The following SSX2IP variants were observed in gnomAD, a reference collection of about 807,000 sequenced individuals.
The protein encoded by SSX2IP is afadin- and alpha-actinin-binding protein.
Under a neutral mutation model 84.9 loss-of-function variants are expected in SSX2IP, and 55 were observed. The ratio of observed to expected loss-of-function variants is 0.65; its 90% CI spans 0.52 to 0.81. SSX2IP has a LOEUF of 0.81. SSX2IP is among the 30% of genes least tolerant of loss of function. The pLI, the probability that SSX2IP is intolerant of heterozygous loss-of-function variation, is 0.00. For synonymous variants in SSX2IP, 239 were observed against 234.7 expected (o/e 1.02, Z -0.17); for missense variants, 664 against 705.2 (o/e 0.94, Z 0.66).
At chr1:84,676,718 C>CTTT (rs1491577246) in intron 1 of SSX2IP, among the ~76,000 whole-genome samples, 2 of 36,720 alleles carry the variant, frequency 5.4e-5, no homozygotes, top group South Asian at 1.9e-3. Context: ...GTGCTCTTTT[C>CTTT]CTTTTTTTTT....
At chr1:84,647,912 C>T (rs2102119502) in intron 13 of SSX2IP, among the ~76,000 whole-genome samples, 1 of 152,002 alleles carries the variant, frequency 6.6e-6, no homozygotes, top group South Asian at 2.1e-4. Context: ...GTAGTGCATG[C>T]CTAGTTTAAT....
chr1:84,678,258 A>G (rs1002155454), intron 1 of SSX2IP, among the ~76,000 whole-genome samples: 2 of 152,228 alleles, frequency 1.3e-5, no homozygotes, highest in African/African-American at 4.8e-5. Context: ...TTTGCAGCCA[A>G]CAGTACCTGA....
intron 11 of SSX2IP, among the ~76,000 whole-genome samples, chr1:84,654,929 C>G (rs1650857910): frequency 6.6e-6 from 1 of 151,998 alleles, no homozygotes; most frequent in Non-Finnish European, 1.5e-5. Flanking sequence ...CAAGAAAGTC[C>G]TCAGCTTTCA....
At chr1:84,678,080 T>C (rs573908424) in intron 1 of SSX2IP, among the ~76,000 whole-genome samples, 1 of 152,302 alleles carries the variant, frequency 6.6e-6, no homozygotes, top group South Asian at 2.1e-4. Flanking sequence ...ACTTAAACCA[T>C]AATTTACTGA....
At chr1:84,670,002 A>G (rs1406795741) in intron 3 of SSX2IP, 109 bp from the exon 4 acceptor site, 1 of 725,298 alleles carries the variant, frequency 1.4e-6, no homozygotes, top group African/African-American at 1.8e-5. Flanking sequence ...GATCTATTGT[A>G]CAACACGGTG....
In SSX2IP at chr1:84,647,498, C is replaced by T. The variant is rs1026956182; in HGVS notation, c.1780G>A (p.Gly594Ser). Residue 594 changes from glycine (G) to serine (S), a missense_variant, in exon 14 of 14, where the codon GGT (glycine) becomes AGT (serine). Coordinates refer to ENST00000342203, the MANE Select transcript of SSX2IP (RefSeq NM_001166293.2). Reference protein sequence around the residue: ...SVASRPGSQEGCYSGCSLSYT... With the variant: ...SVASRPGSQESCYSGCSLSYT... ...CTCAAGGAGCATCCACTATAGCAACCTTCCTGTGATCCAGGTCTTGATGCC... is the reference window on the plus strand; with the variant it reads ...CTCAAGGAGCATCCACTATAGCAACTTTCCTGTGATCCAGGTCTTGATGCC... 2 of 1,613,028 alleles carry T rather than the reference C, an allele frequency of 1.2e-6. No homozygotes were observed. Among genetic ancestry groups the T allele is most frequent in the African/African-American group, 2.7e-5 (2 of 74,882 alleles).
At chr1:84,647,764 G>A (rs1352550210) in intron 13 of SSX2IP, among the ~76,000 whole-genome samples, 157 bp from the exon 14 acceptor site, 4 of 145,532 alleles carry the variant, frequency 2.7e-5, no homozygotes, top group South Asian at 2.2e-4. Flanking sequence ...AAAAAAAAAC[G>A]GCTGGGAGCA....
In SSX2IP at chr1:84,662,252, A is replaced by G. The variant is rs1241147902; in HGVS notation, c.873T>C (p.Leu291=). 6.2e-7 allele frequency: 1 copy of G among 1,608,760 alleles called. No homozygotes were observed. The highest frequency in any genetic ancestry group is 2.2e-5 in the East Asian group (1 of 44,818). Residue 291 remains leucine, a synonymous_variant, in exon 8 of 14, where the codon CTT becomes CTC. Coordinates refer to ENST00000342203, the MANE Select transcript of SSX2IP (RefSeq NM_001166293.2). ...LQQMKKEMIS[L]LSPQKKKPRE... ...TAGGTTTCTTCTTTTGGGGAGAAAG[A>G]AGAGAAATCATTTCCTTTTTCATTT...
At chr1:84,664,944 G>A (rs1457012009) in intron 5 of SSX2IP, among the ~76,000 whole-genome samples, 1 of 152,096 alleles carries the variant, frequency 6.6e-6, no homozygotes, top group Non-Finnish European at 1.5e-5. Flanking sequence ...CTGTGACAAA[G>A]TGAATTAAGC....
chr1:84,671,101 A>T, intron 2 of SSX2IP, 76 bp downstream of exon 2: 1 of 1,523,646 alleles, frequency 6.6e-7, no homozygotes, highest in Non-Finnish European at 8.9e-7. Context: ...CATCTGCAGT[A>T]ATTATTTTAT....
At chr1:84,683,263 C>T (rs913276285) in intron 1 of SSX2IP, among the ~76,000 whole-genome samples, 4 of 151,848 alleles carry the variant, frequency 2.6e-5, no homozygotes, top group African/African-American at 9.7e-5. Context: ...TGTCCTAATG[C>T]TCTTCCTCCC....
At chr1:84,659,490 T>C (rs1251401218) in intron 8 of SSX2IP, among the ~76,000 whole-genome samples, 2 of 152,172 alleles carry the variant, frequency 1.3e-5, no homozygotes, top group Non-Finnish European at 2.9e-5. Flanking sequence ...ATTAGAATAC[T>C]ACCAATCTGT....
intron 13 of SSX2IP, among the ~76,000 whole-genome samples, chr1:84,648,280 T>C (rs767428349): frequency 2.0e-5 from 3 of 152,212 alleles, no homozygotes; most frequent in Non-Finnish European, 4.4e-5. Flanking sequence ...GTTATAAAAC[T>C]TTTTTCTGTT....
chr1:84,664,463 C>G lies in SSX2IP; in HGVS notation c.627G>C (p.Lys209Asn). 6.2e-7 allele frequency: 1 copy of G among 1,602,396 alleles called. No individual in the cohort carries two copies. The highest frequency in any genetic ancestry group is 8.5e-7 in the Non-Finnish European group (1 of 1,175,922). The change falls in exon 6 of 14, where the codon AAG becomes AAC. Residue 209 changes from lysine to asparagine, a missense_variant. Lys to Asn is a moderately conservative substitution (Grantham distance 94). Coordinates refer to ENST00000342203, the MANE Select transcript of SSX2IP (RefSeq NM_001166293.2). ...KRKEREYNKLKERLHQLVMNK... is the reference protein window; with the variant it reads ...KRKEREYNKLNERLHQLVMNK... ...TCATAACAAGTTGATGTAGACGTTCCTTCAGTTTATTATATTCACGCTCTT... is the reference window on the plus strand; with the variant it reads ...TCATAACAAGTTGATGTAGACGTTCGTTCAGTTTATTATATTCACGCTCTT...
chr1:84,677,355 T>C (rs190753046), intron 1 of SSX2IP, among the ~76,000 whole-genome samples: 2 of 152,328 alleles, frequency 1.3e-5, no homozygotes, highest in Non-Finnish European at 2.9e-5. Flanking sequence ...ATCTTGTTTT[T>C]TCTGGTTAAT....
chr1:84,683,940 A>T (rs909301642), intron 1 of SSX2IP, among the ~76,000 whole-genome samples: 1 of 152,232 alleles, frequency 6.6e-6, no homozygotes, highest in Admixed American at 6.5e-5. Flanking sequence ...AAGAAAAAAA[A>T]GAGGCACTTT....
At chr1:84,648,501 T>C (rs1649767917) in intron 13 of SSX2IP, among the ~76,000 whole-genome samples, 1 of 152,228 alleles carries the variant, frequency 6.6e-6, no homozygotes, top group Non-Finnish European at 1.5e-5. Context: ...CAACACCCTA[T>C]GATTTAGGTA....
rs1253593293 is a variant in SSX2IP at position 84,655,839 on chromosome 1, C to G, written c.1382G>C (p.Gly461Ala). 6 of 1,613,290 alleles carry G rather than the reference C, an allele frequency of 3.7e-6. No individual in the cohort carries two copies. Among genetic ancestry groups the G allele is most frequent in the Non-Finnish European group, 5.1e-6 (6 of 1,179,648 alleles). ...RSFTEAAIRL[G>A]LERKAFEEER... ...TACAATTGTTTAAAATACCTCCAAT[C>G]CCAGGCGAATAGCGGCTTCTGTAAA... Residue 461 changes from glycine (G) to alanine (A), a missense_variant, in exon 11 of 14, where the codon GGA becomes GCA. Coordinates refer to ENST00000342203, the MANE Select transcript of SSX2IP (RefSeq NM_001166293.2).
rs146088047 is a variant in SSX2IP at position 84,680,983 on chromosome 1, T to A, written c.-90+9388A>T. 1.8e-3 allele frequency among the ~76,000 whole-genome samples: 269 copies of A among 152,258 alleles called. 2 individuals are homozygous for A. Among genetic ancestry groups the A allele is most frequent in the African/African-American group, 6.1e-3 (255 of 41,556 alleles). ...TGAACCACCAAAACCAATGGTAGAA[T>A]GGCATGAGTGATAAAAAATGCATAA... On this transcript the variant is annotated intron_variant, in intron 1 of 13. Coordinates refer to ENST00000342203, the MANE Select transcript of SSX2IP (RefSeq NM_001166293.2).
Sources: allele counts gnomAD v4.1 joint callset (sites outside exome capture counted in the v4.1 genomes callset), GRCh38; gene constraint gnomAD v4.1.1; transcripts MANE v1.5; gene names NCBI Gene and HGNC (gene_info 2026-07-23, HGNC 2026-07-21).